The following PCDHA1 variants were observed in gnomAD, a reference collection of about 807,000 sequenced individuals.
PCDHA1 encodes protocadherin alpha-1.
In PCDHA1, 42 loss-of-function variants were observed where a neutral mutation model predicts 61.3. That is an observed-to-expected ratio of 0.69 (90% CI 0.54 to 0.89). The LOEUF is 0.89. PCDHA1 is among the 40% of genes least tolerant of loss of function. The probability of loss-of-function intolerance (pLI) is 0.00; values close to 1 mark genes in which losing one functional copy is unlikely to be tolerated. For missense variants in PCDHA1, 1,256 were observed against 1,235.3 expected, an observed-to-expected ratio of 1.02 and a Z score of -0.25; for synonymous variants, 610 against 553.8, an observed-to-expected ratio of 1.10 and a Z score of -1.43.
chr5:140,890,635 C>G (rs1015207309), intron 1 of PCDHA1, among the ~76,000 whole-genome samples: 1 of 152,114 alleles, frequency 6.6e-6, no homozygotes, highest in Non-Finnish European at 1.5e-5. Flanking sequence ...AAGCATGTAT[C>G]CTTGATATAT....
At chr5:140,845,380 G>A (rs1779849548) in intron 1 of PCDHA1, among the ~76,000 whole-genome samples, 1 of 149,264 alleles carries the variant, frequency 6.7e-6, no homozygotes, top group South Asian at 2.1e-4. Context: ...TAAATAGGAG[G>A]ATTCTTTCCA....
At chr5:140,796,448 T>G (rs1399470004) in intron 1 of PCDHA1, 1 of 1,613,132 alleles carries the variant, frequency 6.2e-7, no homozygotes, top group East Asian at 2.2e-5. Context: ...TACTCGCTGG[T>G]GGAGCGGCGG....
At chr5:140,942,418 A>G (rs1554214971) in intron 1 of PCDHA1, among the ~76,000 whole-genome samples, 2 of 152,146 alleles carry the variant, frequency 1.3e-5, no homozygotes, top group South Asian at 2.1e-4. Flanking sequence ...TTAAAAAAAA[A>G]AAAGATATCT....
At chr5:140,829,447 T>G (rs2150168122) in intron 1 of PCDHA1, 1 of 1,613,912 alleles carries the variant, frequency 6.2e-7, no homozygotes, top group Non-Finnish European at 8.5e-7. Context: ...ATGACAATGC[T>G]CCGGCGTTCG....
intron 3 of PCDHA1, among the ~76,000 whole-genome samples, chr5:141,009,257 C>G (rs1375950001): frequency 6.6e-6 from 1 of 152,136 alleles, no homozygotes; most frequent in Non-Finnish European, 1.5e-5. Flanking sequence ...GTGTTTGAGA[C>G]CAGCCTGGGC....
chr5:140,847,401 A>G (rs1780996739), intron 1 of PCDHA1: 1 of 149,750 alleles, frequency 6.7e-6, no homozygotes. Context: ...TAATGGCACA[A>G]TAAACACTCA....
chr5:140,822,497 T>C, intron 1 of PCDHA1: 1 of 1,613,868 alleles, frequency 6.2e-7, no homozygotes, highest in Non-Finnish European at 8.5e-7. Flanking sequence ...GCCCCAGAAT[T>C]TGATAAATCC....
intron 3 of PCDHA1, among the ~76,000 whole-genome samples, chr5:141,007,395 C>CAAAAAAAAA (rs35800918): frequency 8.4e-5 from 8 of 94,856 alleles, no homozygotes; most frequent in East Asian, 2.9e-4. Context: ...TACTAAAATA[C>CAAAAAAAAA]AAAAAAAAAA....
At position 140,841,596 on chromosome 5, in the gene PCDHA1, G is replaced by T. The variant is rs2150318846; in HGVS notation, c.2394+52912G>T. 3.3e-5 allele frequency: 54 copies of T among 1,613,976 alleles called. No homozygotes were observed. Among genetic ancestry groups the T allele is most frequent in the South Asian group, 5.5e-5 (5 of 91,084 alleles). ...TTGTTTGTGAATTCTCGGATCGACC[G>T]CGAGGAGCTGTGCGGGCGGAGCGCG... On this transcript the variant is annotated intron_variant, in intron 1 of 3. Transcript: ENST00000504120.
At chr5:140,850,803 A>T in intron 1 of PCDHA1, 1 of 1,598,380 alleles carries the variant, frequency 6.3e-7, no homozygotes, top group East Asian at 2.2e-5. Flanking sequence ...GACCGACCTC[A>T]TGGCCTTCAG....
At chr5:140,930,644 A>G (rs1346561903) in intron 1 of PCDHA1, among the ~76,000 whole-genome samples, 1 of 152,198 alleles carries the variant, frequency 6.6e-6, no homozygotes, top group East Asian at 1.9e-4. Context: ...AGGAAGGAAA[A>G]TGAAGCATTC....
chr5:140,952,531 C>T (rs1463200514), intron 1 of PCDHA1, among the ~76,000 whole-genome samples: 1 of 152,138 alleles, frequency 6.6e-6, no homozygotes, highest in Non-Finnish European at 1.5e-5. Context: ...CCTCCTCAGA[C>T]TGGACTTCTT....
At chr5:140,797,484 GAATT>G in intron 1 of PCDHA1, 1 of 1,023,302 alleles carries the variant, frequency 9.8e-7, no homozygotes, top group Non-Finnish European at 1.4e-6. Context: ...TTTTGAATAT[GAATT>G]AGAGATCAAT....
chr5:141,007,494 G>A (rs538537497), intron 3 of PCDHA1, among the ~76,000 whole-genome samples: 20 of 152,150 alleles, frequency 1.3e-4, no homozygotes, highest in African/African-American at 4.8e-4. Flanking sequence ...CTTGGACCTA[G>A]GAGGCAGAGA....
chr5:140,921,715 G>A (rs1313930887), intron 1 of PCDHA1, among the ~76,000 whole-genome samples: 9 of 152,080 alleles, frequency 5.9e-5, no homozygotes, highest in African/African-American at 1.7e-4. Flanking sequence ...GTAAACACAC[G>A]AATTACTCCC....
chr5:140,876,708 C>T, intron 1 of PCDHA1: 7 of 1,614,220 alleles, frequency 4.3e-6, no homozygotes, highest in African/African-American at 1.3e-5. Context: ...TGGACAGCGC[C>T]CTGGACCGCG....
At chr5:140,805,775 A>G in intron 1 of PCDHA1, 1 of 200,574 alleles carries the variant, frequency 5.0e-6, no homozygotes, top group Non-Finnish European at 8.9e-6. Context: ...GGAAATGTCT[A>G]GAGACTTTTT....
At chr5:140,853,696 TAACGC>T (rs1477764717) in intron 1 of PCDHA1, 1 of 988,156 alleles carries the variant, frequency 1.0e-6, no homozygotes, top group African/African-American at 1.8e-5. Flanking sequence ...TTAGACCTGC[TAACGC>T]ATTAGCATTA....
chr5:140,883,297 A>G (rs782572580), intron 1 of PCDHA1: 2 of 1,614,132 alleles, frequency 1.2e-6, no homozygotes, highest in Non-Finnish European at 1.7e-6. Flanking sequence ...TACTAGATGT[A>G]AATGATAACG....
Sources: allele counts gnomAD v4.1 joint callset (sites outside exome capture counted in the v4.1 genomes callset), GRCh38; gene constraint gnomAD v4.1.1; transcripts MANE v1.5; gene names NCBI Gene and HGNC (gene_info 2026-07-23, HGNC 2026-07-21).